The following ADGRL4 variants were observed in gnomAD, a reference collection of about 807,000 sequenced individuals.
The protein encoded by ADGRL4 is adhesion G protein-coupled receptor L4, also known as EGF, latrophilin and seven transmembrane domain containing 1.
In ADGRL4, 90 loss-of-function variants were observed where a neutral mutation model predicts 74.8. The observed-to-expected ratio is 1.20, with a 90% CI of 1.02 to 1.43. The LOEUF (loss-of-function observed/expected upper bound fraction) is 1.43, where lower values mean the gene tolerates loss of function less well. Among genes scored for constraint, ADGRL4 ranks in the 40% most tolerant of loss-of-function variants. The pLI is 0.00. For missense variants in ADGRL4, 881 were observed against 814.3 expected (o/e 1.08, Z -1.00); for synonymous variants, 311 against 279.2 (o/e 1.11, Z -1.14).
At chr1:78,895,339 G>A (rs559185734) in intron 12 of ADGRL4, among the ~76,000 whole-genome samples, 11 of 152,076 alleles carry the variant, frequency 7.2e-5, no homozygotes, top group South Asian at 2.1e-4. Flanking sequence ...GCAGTGGCAA[G>A]GGCTAGGTAC....
intron 2 of ADGRL4, among the ~76,000 whole-genome samples, chr1:78,959,343 T>C (rs1451438501): frequency 1.3e-5 from 2 of 152,166 alleles, no homozygotes; most frequent in African/African-American, 4.8e-5. Context: ...GCTACAAAAT[T>C]GGCAAAGTAT....
chr1:78,997,929 T>C (rs1439887274), intron 2 of ADGRL4, among the ~76,000 whole-genome samples: 1 of 152,138 alleles, frequency 6.6e-6, no homozygotes, highest in Non-Finnish European at 1.5e-5. Flanking sequence ...AAAGGTGGCA[T>C]CAATTTTCAG....
Position 78,935,492 on chromosome 1 carries a change from C to A in ADGRL4, c.877+803G>T, listed in dbSNP as rs561182153. On this transcript the variant is annotated intron_variant, in intron 7 of 14. Transcript: ENST00000370742. Reference sequence around the variant, plus strand: ...GCTCACGTATAACTGTGTAACAAACCTGCATGCTGTGCACGTTTCCCAGAG... The same window carrying A: ...GCTCACGTATAACTGTGTAACAAACATGCATGCTGTGCACGTTTCCCAGAG... Among the ~76,000 whole-genome samples, 34 of 151,218 alleles carry A rather than the reference C, an allele frequency of 2.2e-4. No individual in the cohort carries two copies. The South Asian group carries it at 7.1e-3, about 32-fold the overall frequency.
Position 78,983,960 on chromosome 1 carries a change from T to C in ADGRL4, c.172+21110A>G, listed in dbSNP as rs143359718. On this transcript the variant is annotated intron_variant, in intron 2 of 14. Coordinates refer to ENST00000370742, the MANE Select transcript of ADGRL4 (RefSeq NM_022159.4). The stretch of plus-strand genomic sequence containing the variant: ...ATCTTCAGATAAACAAACACAAAAT[T>C]TATCAGGTGAACTTCAGGACAAAGA... 9.7e-3 allele frequency among the ~76,000 whole-genome samples: 1,464 copies of C among 151,662 alleles called. 8 individuals are homozygous for C. The highest frequency in any genetic ancestry group is 0.016 in the Admixed American group (247 of 15,172).
rs558553219 is a variant in ADGRL4 at position 79,005,218 on chromosome 1, C to A, written c.24G>T (p.Val8=). ...AACAATTCAACAAAGTGGAAAAAAC[C>A]ACTAAATAAAATAGAGAAATACACC... MKRLPLL[V]VFSTLLNCSY... is the part of the protein sequence containing the mutation. Residue 8 remains valine (V), a splice_region_variant and synonymous_variant, in exon 2 of 15, where the codon GTG becomes GTT. Coordinates refer to ENST00000370742, the MANE Select transcript of ADGRL4 (RefSeq NM_022159.4). The A allele has an allele frequency of 1.9e-6, 3 of 1,601,698 alleles. No homozygotes were observed. The highest frequency in any genetic ancestry group is 1.7e-4 in the Middle Eastern group (1 of 5,946).
intron 2 of ADGRL4, among the ~76,000 whole-genome samples, chr1:78,979,180 C>T (rs116525872): frequency 0.013 from 2,022 of 151,978 alleles, 56 homozygotes; most frequent in African/African-American, 0.046. Context: ...ACATTGTTTA[C>T]GCAGTCATGA....
chr1:78,948,295 T>C (rs1301120608), intron 2 of ADGRL4, among the ~76,000 whole-genome samples: 1 of 152,164 alleles, frequency 6.6e-6, no homozygotes, highest in African/African-American at 2.4e-5. Context: ...GGTTGAGTTA[T>C]CAAAAGTTTG....
intron 8 of ADGRL4, among the ~76,000 whole-genome samples, chr1:78,924,912 G>A (rs1649080066): frequency 6.6e-6 from 1 of 152,118 alleles, no homozygotes. Context: ...ATAGATGGAA[G>A]TCAGCAGATT....
chr1:78,958,697 T>TGAC (rs1557512732), intron 2 of ADGRL4, among the ~76,000 whole-genome samples: 1 of 152,118 alleles, frequency 6.6e-6, no homozygotes, highest in African/African-American at 2.4e-5. Context: ...ACTGTTGAAA[T>TGAC]GACAAAAAAG....
chr1:78,989,841 C>T (rs1309475530), intron 2 of ADGRL4, among the ~76,000 whole-genome samples: 2 of 151,880 alleles, frequency 1.3e-5, no homozygotes, highest in Admixed American at 6.6e-5. Context: ...ATTGTATTTT[C>T]GTCTTTAGTC....
At chr1:78,961,449 G>A (rs1244974037) in intron 2 of ADGRL4, among the ~76,000 whole-genome samples, 8 of 151,978 alleles carry the variant, frequency 5.3e-5, no homozygotes, top group South Asian at 4.2e-4. Flanking sequence ...TTTAAAGTGC[G>A]GTAATGATCT....
chr1:78,963,741 A>G (rs1650000521), intron 2 of ADGRL4, among the ~76,000 whole-genome samples: 2 of 152,204 alleles, frequency 1.3e-5, no homozygotes, highest in African/African-American at 4.8e-5. Context: ...AAATGTATAC[A>G]TGGTAAAAAT....
intron 11 of ADGRL4, 28 bp from the exon 12 acceptor site, chr1:78,917,728 A>G: frequency 6.3e-7 from 1 of 1,593,642 alleles, no homozygotes; most frequent in South Asian, 1.1e-5. Context: ...GATAGAATCT[A>G]TAAATATGTT....
chr1:78,939,146 C>T, intron 4 of ADGRL4, 42 bp downstream of exon 4: 1 of 1,503,230 alleles, frequency 6.7e-7, no homozygotes, highest in Non-Finnish European at 8.9e-7. Context: ...TAATTGAAAC[C>T]AAAATGTCAA....
chr1:78,993,863 G>A (rs1650664077), intron 2 of ADGRL4, among the ~76,000 whole-genome samples: 2 of 152,058 alleles, frequency 1.3e-5, no homozygotes, highest in Admixed American at 6.5e-5. Context: ...ATGAGACACC[G>A]CACCCGGCCA....
At chr1:78,907,756 A>G (rs753829048) in intron 12 of ADGRL4, among the ~76,000 whole-genome samples, 5 of 151,966 alleles carry the variant, frequency 3.3e-5, no homozygotes, top group Non-Finnish European at 7.4e-5. Context: ...GGGAAGGTAC[A>G]TAGAACCTCT....
chr1:78,920,142 C>T, intron 10 of ADGRL4, 41 bp downstream of exon 10: 1 of 1,448,302 alleles, frequency 6.9e-7, no homozygotes, highest in Non-Finnish European at 9.6e-7. Flanking sequence ...AGAAAGTACA[C>T]ATATCATAGG....
intron 12 of ADGRL4, among the ~76,000 whole-genome samples, chr1:78,902,642 T>C (rs973972912): frequency 3.9e-5 from 6 of 152,214 alleles, no homozygotes; most frequent in African/African-American, 7.2e-5. Flanking sequence ...AAGAATTTAA[T>C]TGTACAGACA....
chr1:78,965,815 T>C (rs1650044417), intron 2 of ADGRL4, among the ~76,000 whole-genome samples: 1 of 152,158 alleles, frequency 6.6e-6, no homozygotes, highest in Non-Finnish European at 1.5e-5. Flanking sequence ...AGTCACTCAC[T>C]GAAGAACACA....
Sources: allele counts gnomAD v4.1 joint callset (sites outside exome capture counted in the v4.1 genomes callset), GRCh38; gene constraint gnomAD v4.1.1; transcripts MANE v1.5; gene names NCBI Gene and HGNC (gene_info 2026-07-23, HGNC 2026-07-21).